The following DLGAP2 variants were observed in gnomAD, a reference collection of about 807,000 sequenced individuals.
The protein encoded by DLGAP2 is DLG associated protein 2.
Under a neutral mutation model 100.3 loss-of-function variants are expected in DLGAP2, and 26 were observed. The ratio of observed to expected loss-of-function variants is 0.26; its 90% CI spans 0.19 to 0.36. The LOEUF (loss-of-function observed/expected upper bound fraction) is 0.36, where lower values mean the gene tolerates loss of function less well. Among genes scored for constraint, DLGAP2 ranks in the 10% least tolerant of loss-of-function variants. DLGAP2 has a pLI of 1.00. For missense variants in DLGAP2, 1,858 were observed against 1,453.2 expected, an observed-to-expected ratio of 1.28 and a Z score of -4.53; for synonymous variants, 886 against 630.1, an observed-to-expected ratio of 1.41 and a Z score of -6.08.
At chr8:1,322,448 A>G (rs1022734469) in intron 3 of DLGAP2, among the ~76,000 whole-genome samples, 1 of 149,062 alleles carries the variant, frequency 6.7e-6, no homozygotes, top group Non-Finnish European at 1.5e-5. Context: ...ACGCGTGTGG[A>G]TCCGTGGAAA....
intron 6 of DLGAP2, among the ~76,000 whole-genome samples, chr8:1,567,485 C>A (rs1802449692): frequency 6.6e-6 from 1 of 152,160 alleles, no homozygotes; most frequent in Non-Finnish European, 1.5e-5. Context: ...AAAACCAAAG[C>A]CTTTTTTAGA....
Position 1,023,549 on chromosome 8 carries a change from T to G in DLGAP2, c.73+115583T>G, listed in dbSNP as rs1584985801. Among the ~76,000 whole-genome samples, 4 of 151,954 alleles carry G rather than the reference T, an allele frequency of 2.6e-5. No individual in the cohort carries two copies. In the South Asian group the frequency reaches 8.3e-4, roughly 32 times the overall value. On this transcript the variant is annotated intron_variant, in intron 2 of 14. Coordinates refer to ENST00000637795, the MANE Select transcript of DLGAP2 (RefSeq NM_001346810.2). ...CGAGTTACTGAGAATGAGAATGACC[T>G]TTGTGTGTGTGAACCTCAGTGTGCG... is the stretch of plus-strand genomic sequence containing the variant.
At chr8:1,133,964 C>T (rs578013933) in intron 2 of DLGAP2, among the ~76,000 whole-genome samples, 2 of 152,054 alleles carry the variant, frequency 1.3e-5, no homozygotes, top group Non-Finnish European at 2.9e-5. Flanking sequence ...GCCCAGTACC[C>T]ATTAGTTACT....
At chr8:1,383,276 T>C (rs1180573879) in intron 3 of DLGAP2, among the ~76,000 whole-genome samples, 2 of 152,348 alleles carry the variant, frequency 1.3e-5, no homozygotes, top group Non-Finnish European at 2.9e-5. Flanking sequence ...GTTTGGAGAA[T>C]ATGTTACAGT....
chr8:1,214,365 G>A (rs1007476398), intron 2 of DLGAP2, among the ~76,000 whole-genome samples: 8 of 152,322 alleles, frequency 5.3e-5, no homozygotes, highest in Admixed American at 4.6e-4. Flanking sequence ...GTGCTTTCCA[G>A]GGGGAAGAGG....
At chr8:1,332,684 G>A (rs1055343881) in intron 3 of DLGAP2, among the ~76,000 whole-genome samples, 5 of 152,264 alleles carry the variant, frequency 3.3e-5, no homozygotes, top group East Asian at 1.9e-4. Context: ...CTGCAGCCGC[G>A]AGGAGCACTC....
chr8:1,700,818 G>C, intron 14 of DLGAP2, among the ~76,000 whole-genome samples: 1 of 152,342 alleles, frequency 6.6e-6, no homozygotes, highest in Middle Eastern at 3.4e-3. Context: ...CAAAACCCTC[G>C]CGATGCTCGG....
rs766259876 is a variant in DLGAP2, at chr8:1,549,286, G to C, written c.833G>C (p.Ser278Thr). The C allele has an allele frequency of 1.2e-6, 2 of 1,612,146 alleles. No individual in the cohort carries two copies. The highest frequency in any genetic ancestry group is 1.7e-6 in the Non-Finnish European group (2 of 1,179,638). Reference protein sequence around the residue: ...HAHHAKHSKRSKSKERKPEGK... With the variant: ...HAHHAKHSKRTKSKERKPEGK... ...CACCACGCCAAGCACAGCAAGAGGA[G>C]CAAGAGCAAGGAGCGCAAGCCGGAG... Residue 278 changes from serine (S) to threonine (T), a missense_variant, in exon 5 of 15, where the codon AGC (serine) becomes ACC (threonine). Physicochemically the swap from Ser to Thr is moderately conservative, Grantham distance 58. Coordinates refer to ENST00000637795, the MANE Select transcript of DLGAP2 (RefSeq NM_001346810.2).
intron 3 of DLGAP2, among the ~76,000 whole-genome samples, chr8:1,393,067 G>A (rs1217704121): frequency 1.3e-3 from 49 of 37,648 alleles, no homozygotes; most frequent in East Asian, 7.8e-3. Flanking sequence ...CCACCTCCTC[G>A]TCCTCCAGAG....
chr8:753,338 G>C (rs1820840338), intron 1 of DLGAP2: 1 of 152,246 alleles, frequency 6.6e-6, no homozygotes, highest in African/African-American at 2.4e-5. Flanking sequence ...TGGGTTTCCA[G>C]CTCACAGGGC....
chr8:1,451,444 C>T (rs1331336707), intron 3 of DLGAP2, among the ~76,000 whole-genome samples: 9 of 152,230 alleles, frequency 5.9e-5, no homozygotes, highest in East Asian at 1.9e-4. Context: ...CAGCCCAGCA[C>T]GCTCTGAAAG....
chr8:1,697,033 C>A, intron 13 of DLGAP2, 114 bp from the exon 14 acceptor site: 8 of 1,160,326 alleles, frequency 6.9e-6, no homozygotes, highest in Non-Finnish European at 9.1e-6. Flanking sequence ...CTGGAATTAG[C>A]CAGGCTTCTC....
chr8:1,480,125 T>C (rs1036614050), intron 3 of DLGAP2, among the ~76,000 whole-genome samples: 5 of 152,204 alleles, frequency 3.3e-5, no homozygotes, highest in African/African-American at 1.2e-4. Context: ...GAACCCCGGC[T>C]GTCTGGCTAC....
chr8:1,048,010 G>T (rs1585011913), intron 2 of DLGAP2, among the ~76,000 whole-genome samples: 1 of 152,298 alleles, frequency 6.6e-6, no homozygotes, highest in South Asian at 2.1e-4. Flanking sequence ...GCCTGCAAGG[G>T]TGCGGACACT....
intron 2 of DLGAP2, among the ~76,000 whole-genome samples, chr8:1,077,939 A>T (rs777593923): frequency 6.6e-6 from 1 of 152,070 alleles, no homozygotes; most frequent in Non-Finnish European, 1.5e-5. Flanking sequence ...TCTCCACACC[A>T]CTGTCTAGTG....
intron 2 of DLGAP2, among the ~76,000 whole-genome samples, chr8:1,151,741 T>G (rs556477956): frequency 1.3e-5 from 2 of 152,306 alleles, no homozygotes; most frequent in South Asian, 4.1e-4. Context: ...CGTCTCATCT[T>G]CTCCATCCCC....
intron 2 of DLGAP2, among the ~76,000 whole-genome samples, chr8:1,067,615 G>A (rs112634153): frequency 1.2e-4 from 17 of 147,138 alleles, no homozygotes; most frequent in Non-Finnish European, 1.4e-4. Flanking sequence ...GTGTGTGTGT[G>A]TGTGTGTGTG....
intron 2 of DLGAP2, among the ~76,000 whole-genome samples, chr8:1,131,326 C>T (rs565991959): frequency 7.2e-5 from 11 of 152,258 alleles, no homozygotes; most frequent in African/African-American, 2.6e-4. Context: ...ACAGCACCTT[C>T]ATGTATCTGT....
At chr8:1,138,385 C>A (rs572546455) in intron 2 of DLGAP2, among the ~76,000 whole-genome samples, 2 of 152,330 alleles carry the variant, frequency 1.3e-5, no homozygotes, top group African/African-American at 4.8e-5. Flanking sequence ...TCCCCCACTG[C>A]GAGGGATTTC....
Sources: gnomAD v4.1 joint callset for allele counts (sites outside exome capture counted in the v4.1 genomes callset) on GRCh38, gnomAD v4.1.1 for gene constraint, MANE v1.5 for transcripts, NCBI Gene and HGNC (gene_info 2026-07-23, HGNC 2026-07-21) for gene names.